CEP44: variants seen among roughly 807,000 people sequenced by gnomAD.
The protein encoded by CEP44 is centrosomal protein 44.
In CEP44, 45 loss-of-function variants were observed where a neutral mutation model predicts 46.7. That is an observed-to-expected ratio of 0.96 (90% confidence interval 0.76 to 1.24). The LOEUF is 1.24. CEP44 is among the 50% of genes most tolerant of loss of function. The pLI is 0.00. For missense variants in CEP44, 475 were observed against 459.7 expected, an observed-to-expected ratio of 1.03 and a Z score of -0.30; for synonymous variants, 142 against 146.0, an observed-to-expected ratio of 0.97 and a Z score of 0.20.
rs189509694 is a variant in CEP44 at position 174,314,721 on chromosome 4, A to G, written c.962-1445A>G. ...CAGAAAAAAATCCAAGATTTAGTGC[A>G]TAGTAGATATAGTTCCTGCCTAATT... On this transcript the variant is annotated intron_variant, in intron 9 of 11. Transcript: ENST00000503780. The surrounding 1 kb of genome is among the most constrained non-coding windows in gnomAD (Gnocchi z 4.1). Among the ~76,000 whole-genome samples, 125 of 152,330 alleles carry G rather than the reference A, an allele frequency of 8.2e-4. No homozygotes were observed. Among genetic ancestry groups the G allele is most frequent in the Admixed American group, 7.8e-3 (120 of 15,306 alleles).
At chr4:174,304,506 G>A in intron 6 of CEP44, 137 bp downstream of exon 6, 1 of 1,190,604 alleles carries the variant, frequency 8.4e-7, no homozygotes, top group South Asian at 1.6e-5. Context: ...AACAGTGCAT[G>A]CCATATATTT....
At chr4:174,316,983 A>G (rs1328052782) in intron 11 of CEP44, among the ~76,000 whole-genome samples, 1 of 151,970 alleles carries the variant, frequency 6.6e-6, no homozygotes, top group Non-Finnish European at 1.5e-5. Context: ...TGAGATACTA[A>G]AAATGATGTT....
intron 1 of CEP44, among the ~76,000 whole-genome samples, chr4:174,293,183 C>T (rs1396623923): frequency 6.6e-6 from 1 of 152,164 alleles, no homozygotes; most frequent in Admixed American, 6.5e-5. Context: ...TCTGGGTTCC[C>T]AGACAAACAA....
rs1742108513 is a variant in CEP44, at chr4:174,319,570, G to A, written c.*2187G>A. ...AGTGCAGATATACACACAGAGAAGG[G>A]ACTTAAAACATTTCTAATCTCCTAG... On this transcript the variant is annotated 3_prime_UTR_variant, in exon 12 of 12. Coordinates refer to ENST00000503780, the MANE Select transcript of CEP44 (RefSeq NM_001040157.3). The A allele has an allele frequency of 8.8e-6, 7 of 791,772 alleles. No individual in the cohort carries two copies. Among genetic ancestry groups the A allele is most frequent in the African/African-American group, 5.6e-5 (3 of 53,384 alleles). The allele number at this position is 791,772 out of a possible 1,614,324, so 49.0% of individuals were successfully genotyped here.
At position 174,310,131 on chromosome 4, in the gene CEP44, T is replaced by G; in HGVS notation, c.885+75T>G. ...TTTTTTTGATTGTTATATGTGTATTTTTTTGGAAATGCTAAATATGAGAAT... is the reference window on the plus strand; with the variant it reads ...TTTTTTTGATTGTTATATGTGTATTGTTTTGGAAATGCTAAATATGAGAAT... On this transcript the variant is annotated intron_variant, in intron 8 of 11. Coordinates refer to ENST00000503780, the MANE Select transcript of CEP44 (RefSeq NM_001040157.3). The surrounding 1 kb of genome is among the most constrained non-coding windows in gnomAD (Gnocchi z 4.2). 2 of 1,338,646 alleles carry G rather than the reference T, an allele frequency of 1.5e-6. No individual in the cohort carries two copies. Among genetic ancestry groups the G allele is most frequent in the Non-Finnish European group, 2.0e-6 (2 of 983,066 alleles). 82.9% of individuals were successfully genotyped at this position (1,338,646 alleles called of 1,614,324 possible).
At chr4:174,317,106 A>G (rs1741819943) in intron 11 of CEP44, among the ~76,000 whole-genome samples, 1 of 152,020 alleles carries the variant, frequency 6.6e-6, no homozygotes. Context: ...TTATAATATT[A>G]TTTAGAAATG....
intron 3 of CEP44, among the ~76,000 whole-genome samples, chr4:174,299,581 G>A (rs1448948611): frequency 2.0e-5 from 3 of 152,146 alleles, no homozygotes; most frequent in Non-Finnish European, 4.4e-5. Context: ...AATAAGAAGA[G>A]ATTGTTGCCA....
At chr4:174,315,836 GTCTCAAAAAAAA>G (rs1741626660) in intron 9 of CEP44, among the ~76,000 whole-genome samples, 2 of 99,142 alleles carry the variant, frequency 2.0e-5, no homozygotes. Context: ...GCGAGACTCC[GTCTCAAAAAAAA>G]AAAAAAAAAA....
intron 1 of CEP44, among the ~76,000 whole-genome samples, chr4:174,291,202 G>A (rs980039735): frequency 6.6e-6 from 1 of 151,514 alleles, no homozygotes; most frequent in African/African-American, 2.4e-5. Flanking sequence ...TTTTCTATTT[G>A]CTTTCTGTTT....
chr4:174,323,565 C>G (rs1742461068), downstream of CEP44, among the ~76,000 whole-genome samples: 1 of 152,066 alleles, frequency 6.6e-6, no homozygotes, highest in African/African-American at 2.4e-5. Flanking sequence ...TAACACCCCT[C>G]AAATTCTCCT....
chr4:174,308,638 A>T, intron 6 of CEP44, 51 bp from the exon 7 acceptor site: 1 of 1,539,004 alleles, frequency 6.5e-7, no homozygotes, highest in South Asian at 1.2e-5. Flanking sequence ...AAAATAAATA[A>T]TTGTGGGAGG....
chr4:174,283,775 C>T (rs932815262), upstream of CEP44: 5 of 397,516 alleles, frequency 1.3e-5, no homozygotes, highest in African/African-American at 1.0e-4. This position sits in a 1 kb window ranked among gnomAD's most constrained non-coding sequence, Gnocchi z 6.7. Context: ...ACGAGCCACT[C>T]TGACCATCAA....
Position 174,283,965 on chromosome 4 carries a change from A to G in CEP44, c.-148+22A>G, listed in dbSNP as rs979748314. 7 of 399,156 alleles carry G rather than the reference A, an allele frequency of 1.8e-5. No individual in the cohort carries two copies. The highest frequency in any genetic ancestry group is 4.1e-5 in the African/African-American group (2 of 48,664). 24.7% of individuals were successfully genotyped at this position (399,156 alleles called of 1,614,324 possible). A position where few individuals can be genotyped will look rare whatever the true frequency, so the allele number is the denominator to read the frequency against. On this transcript the variant is annotated intron_variant, in intron 1 of 11. Coordinates refer to ENST00000503780, the MANE Select transcript of CEP44 (RefSeq NM_001040157.3). This position sits in a 1 kb window ranked among gnomAD's most constrained non-coding sequence, Gnocchi z 6.7. ...GGTGGTGCGTGGCGGGCAGGAACCC[A>G]CAATTCCAAATACAAACGGTCGGCG...
At chr4:174,320,361 CTT>C (rs2126685004), downstream of CEP44, 1 of 955,146 alleles carries the variant, frequency 1.0e-6, no homozygotes, top group Non-Finnish European at 1.2e-6. Flanking sequence ...TTACTCATAA[CTT>C]TATATAATTG....
chr4:174,300,279 A>G (rs1739563034), intron 3 of CEP44, among the ~76,000 whole-genome samples: 1 of 152,146 alleles, frequency 6.6e-6, no homozygotes, highest in African/African-American at 2.4e-5. Context: ...GTAAGGAGAA[A>G]GTTTAGCTCA....
chr4:174,317,902 T>A lies in CEP44; in HGVS notation c.*519T>A, dbSNP rs926084526. ...GTTATTTCATGCTTGGTCAAAAACA[T>A]CAATACCTTTCCAATTAACACTGAG... On this transcript the variant is annotated 3_prime_UTR_variant, in exon 12 of 12. Coordinates refer to ENST00000503780, the MANE Select transcript of CEP44 (RefSeq NM_001040157.3). 1 of 985,426 alleles carries A rather than the reference T, an allele frequency of 1.0e-6. No individual in the cohort carries two copies. Among genetic ancestry groups the A allele is most frequent in the Non-Finnish European group, 1.2e-6 (1 of 829,898 alleles). 61.0% of individuals were successfully genotyped at this position (985,426 alleles called of 1,614,324 possible).
At chr4:174,284,460 G>A (rs544442952) in intron 1 of CEP44, among the ~76,000 whole-genome samples, 2 of 152,256 alleles carry the variant, frequency 1.3e-5, no homozygotes, top group East Asian at 3.9e-4. Flanking sequence ...AGGAAGACAG[G>A]ACAGCAGTTC....
At chr4:174,306,840 CACAA>C (rs1158348330) in intron 6 of CEP44, among the ~76,000 whole-genome samples, 2 of 152,068 alleles carry the variant, frequency 1.3e-5, no homozygotes, top group Non-Finnish European at 2.9e-5. Flanking sequence ...AGAACCAAAT[CACAA>C]ACAAACTCCC....
chr4:174,316,667 G>C, intron 11 of CEP44, 100 bp downstream of exon 11: 1 of 1,094,728 alleles, frequency 9.1e-7, no homozygotes, highest in Non-Finnish European at 1.3e-6. Context: ...AAACCTTAAA[G>C]GTCTCTCAAT....
Sources: allele counts gnomAD v4.1 joint callset (sites outside exome capture counted in the v4.1 genomes callset), GRCh38; gene constraint gnomAD v4.1.1; non-coding constraint Gnocchi (gnomAD v3.1); transcripts MANE v1.5; gene names NCBI Gene and HGNC (gene_info 2026-07-23, HGNC 2026-07-21).